CCDC171: variants seen among roughly 807,000 people sequenced by gnomAD.
CCDC171 encodes coiled-coil domain-containing protein 171.
CCDC171 carries 177 observed loss-of-function variants against 168.2 expected under a neutral mutation model. The ratio of observed to expected loss-of-function variants is 1.05; its 90% CI spans 0.93 to 1.19. CCDC171 has a LOEUF of 1.19. Among genes scored for constraint, CCDC171 ranks in the 50% most tolerant of loss-of-function variants. CCDC171 has a pLI of 0.00. For synonymous variants in CCDC171, 687 were observed against 540.8 expected, an observed-to-expected ratio of 1.27 and a Z score of -3.75; for missense variants, 1,991 against 1,539.0, an observed-to-expected ratio of 1.29 and a Z score of -4.91.
intron 6 of CCDC171, among the ~76,000 whole-genome samples, chr9:15,613,366 A>C (rs1315439887): frequency 6.6e-6 from 1 of 152,172 alleles, no homozygotes; most frequent in Non-Finnish European, 1.5e-5. Flanking sequence ...TAAATGAGTT[A>C]AGTTCTTGGA....
the CCDC171 span, among the ~76,000 whole-genome samples, chr9:16,096,642 C>T: frequency 6.6e-6 from 1 of 152,138 alleles, no homozygotes; most frequent in Non-Finnish European, 1.5e-5. Context: ...GGTATTTATC[C>T]CCTGGTCCTC....
the CCDC171 span, among the ~76,000 whole-genome samples, chr9:16,070,339 G>C: frequency 1.5e-4 from 23 of 152,350 alleles, no homozygotes; most frequent in African/African-American, 5.5e-4. Flanking sequence ...GGACAGAGGA[G>C]GGGTGATTCT....
intron 24 of CCDC171, among the ~76,000 whole-genome samples, chr9:15,907,749 A>G (rs1473416263): frequency 6.6e-6 from 1 of 152,266 alleles, no homozygotes; most frequent in South Asian, 2.1e-4. Context: ...AAATTTTCGC[A>G]ATCTAGTCAT....
At chr9:15,980,701 T>G (rs1383879361) in intron 3 of CCDC171, among the ~76,000 whole-genome samples, 10 of 152,114 alleles carry the variant, frequency 6.6e-5, no homozygotes, top group African/African-American at 2.4e-4. Flanking sequence ...ATATATTCTG[T>G]TATAATGTCA....
At chr9:16,091,687 G>C in the CCDC171 span, among the ~76,000 whole-genome samples, 9,182 of 152,214 alleles carry the variant, frequency 0.06, 834 homozygotes, top group African/African-American at 0.2. Context: ...AGTTGCAAGG[G>C]AAGGCCTGTT....
intron 3 of CCDC171, among the ~76,000 whole-genome samples, chr9:16,014,865 T>C (rs937830577): frequency 1.5e-4 from 23 of 152,266 alleles, no homozygotes; most frequent in African/African-American, 5.3e-4. Flanking sequence ...GCAGAGTAGA[T>C]TTAGCATAAT....
At chr9:15,663,229 C>T (rs1438220436) in intron 8 of CCDC171, among the ~76,000 whole-genome samples, 1 of 152,148 alleles carries the variant, frequency 6.6e-6, no homozygotes, top group African/African-American at 2.4e-5. Flanking sequence ...GTTATGTTTG[C>T]ACAGCGTCAA....
rs2048742379 is a variant in CCDC171 at position 15,666,453 on chromosome 9, C to T, written c.1076+130C>T. The T allele has an allele frequency of 6.8e-6, 4 of 591,398 alleles. No homozygotes were observed. In the Admixed American group the frequency reaches 1.2e-4, roughly 18 times the overall value. 36.6% of individuals were successfully genotyped at this position (591,398 alleles called of 1,614,324 possible). ...GTCAGTGGTAGACTGGGGCAAGTGA[C>T]TTCATAAAACATAACTATACTTTCC... is the stretch of plus-strand genomic sequence containing the variant. On this transcript the variant is annotated intron_variant, in intron 9 of 25. Coordinates refer to ENST00000380701, the MANE Select transcript of CCDC171 (RefSeq NM_173550.4).
chr9:15,807,555 C>G (rs1246090241), intron 21 of CCDC171, among the ~76,000 whole-genome samples: 1 of 152,054 alleles, frequency 6.6e-6, no homozygotes, highest in South Asian at 2.1e-4. Context: ...TGTAGACTCA[C>G]CACATGTCTT....
At chr9:16,062,282 A>G (rs1180461111), downstream of CCDC171, among the ~76,000 whole-genome samples, 1 of 152,228 alleles carries the variant, frequency 6.6e-6, no homozygotes, top group Non-Finnish European at 1.5e-5. Flanking sequence ...CCATTATTCT[A>G]AATGAATTAA....
At chr9:16,064,255 CT>C (rs1833967600), downstream of CCDC171, among the ~76,000 whole-genome samples, 1 of 152,130 alleles carries the variant, frequency 6.6e-6, no homozygotes, top group African/African-American at 2.4e-5. Context: ...TTTTTTCCCC[CT>C]GAATTCTCCC....
intron 21 of CCDC171, among the ~76,000 whole-genome samples, chr9:15,787,869 T>G (rs2058050185): frequency 6.6e-6 from 1 of 152,186 alleles, no homozygotes; most frequent in Admixed American, 6.6e-5. Flanking sequence ...TTGAAAATTT[T>G]TATAAGCATA....
chr9:15,663,633 T>A (rs1448906707), intron 8 of CCDC171, among the ~76,000 whole-genome samples: 1 of 141,214 alleles, frequency 7.1e-6, no homozygotes, highest in Non-Finnish European at 1.5e-5. Flanking sequence ...TGAGAGGGAG[T>A]ATCGCTCTGT....
chr9:16,050,665 ATTGTCT>A (rs1303192312), intron 1 of CCDC171, among the ~76,000 whole-genome samples: 2 of 152,220 alleles, frequency 1.3e-5, no homozygotes, highest in African/African-American at 4.8e-5. Context: ...TTATCACAAC[ATTGTCT>A]TTGTATATGA....
At chr9:15,697,992 ATTTC>A (rs1296377848) in intron 11 of CCDC171, among the ~76,000 whole-genome samples, 2 of 152,136 alleles carry the variant, frequency 1.3e-5, no homozygotes, top group Non-Finnish European at 2.9e-5. Context: ...AACATTTAGC[ATTTC>A]TTTCTATTGG....
At chr9:15,845,913 G>T (rs2060876500) in intron 21 of CCDC171, among the ~76,000 whole-genome samples, 1 of 152,056 alleles carries the variant, frequency 6.6e-6, no homozygotes, top group Admixed American at 6.6e-5. Flanking sequence ...AGCCTTCAGT[G>T]TAAAGTTGCA....
chr9:16,025,707 A>T (rs556306026), intron 6 of CCDC171, among the ~76,000 whole-genome samples: 2 of 152,362 alleles, frequency 1.3e-5, no homozygotes, highest in East Asian at 3.9e-4. Flanking sequence ...CATTTACTGT[A>T]TAATTCCATT....
At chr9:15,894,474 C>G (rs1053552638) in intron 24 of CCDC171, among the ~76,000 whole-genome samples, 3 of 152,132 alleles carry the variant, frequency 2.0e-5, no homozygotes, top group Admixed American at 6.6e-5. Flanking sequence ...CCATTCCTCC[C>G]TTCTTATACA....
intron 18 of CCDC171, among the ~76,000 whole-genome samples, chr9:15,767,824 T>TCCCC (rs1196063300): frequency 3.1e-5 from 1 of 32,188 alleles, no homozygotes; most frequent in Non-Finnish European, 7.3e-5. Context: ...TTTTCTTTTC[T>TCCCC]TTCCCTCCTT....
Sources: allele counts gnomAD v4.1 joint callset (sites outside exome capture counted in the v4.1 genomes callset), GRCh38; gene constraint gnomAD v4.1.1; transcripts MANE v1.5; gene names NCBI Gene and HGNC (gene_info 2026-07-23, HGNC 2026-07-21).